Variants in PIP4P2 observed in about 807,000 individuals in gnomAD.
PIP4P2 encodes phosphatidylinositol-4,5-bisphosphate 4-phosphatase 2.
Under a neutral mutation model 33.3 loss-of-function variants are expected in PIP4P2, and 19 were observed. That is an observed-to-expected ratio of 0.57 (90% CI 0.40 to 0.84). PIP4P2 has a LOEUF of 0.84. Among genes scored for constraint, PIP4P2 ranks in the 40% least tolerant of loss-of-function variants. The pLI is 0.00. For missense variants in PIP4P2, 270 were observed against 324.7 expected (o/e 0.83, Z 1.29); for synonymous variants, 110 against 111.9 (o/e 0.98, Z 0.11).
In PIP4P2 at chr8:91,040,711, C is replaced by A. The variant is rs760034010; in HGVS notation, c.39G>T (p.Leu13=). Residue 13 remains leucine (L), a synonymous_variant, in exon 1 of 7, where the codon CTG becomes CTT. Coordinates refer to ENST00000285419, the MANE Select transcript of PIP4P2 (RefSeq NM_018710.3). Reference sequence around the variant, plus strand: ...TGACATTTCCGGAGTGGGATGCTGACAGCAGAGGCGAGCGTTCGTCCACCC... The same window carrying A: ...TGACATTTCCGGAGTGGGATGCTGAAAGCAGAGGCGAGCGTTCGTCCACCC... The part of the protein sequence containing the change: ...ADGVDERSPL[L]SASHSGNVTP... The A allele has an allele frequency of 1.9e-6, 3 of 1,612,894 alleles. No homozygotes were observed. Among genetic ancestry groups the A allele is most frequent in the African/African-American group, 2.7e-5 (2 of 74,896 alleles).
At chr8:91,005,529 T>G (rs1811752645) in intron 5 of PIP4P2, among the ~76,000 whole-genome samples, 1 of 152,196 alleles carries the variant, frequency 6.6e-6, no homozygotes, top group Non-Finnish European at 1.5e-5. Context: ...TTTATAGTAA[T>G]TAACTATTCT....
At chr8:91,010,839 CCAATCATTT>C (rs1811826288) in intron 4 of PIP4P2, among the ~76,000 whole-genome samples, 2 of 151,216 alleles carry the variant, frequency 1.3e-5, no homozygotes, top group Admixed American at 1.3e-4. Flanking sequence ...TCTCTAAAAC[CCAATCATTT>C]TTAGTAGAGA....
intron 1 of PIP4P2, among the ~76,000 whole-genome samples, chr8:91,037,163 G>A (rs1355471762): frequency 6.6e-6 from 1 of 152,182 alleles, no homozygotes; most frequent in Non-Finnish European, 1.5e-5. Context: ...TTCAAGGGGA[G>A]GAAACTGAAT....
chr8:91,019,682 T>C (rs1257380587), intron 3 of PIP4P2, among the ~76,000 whole-genome samples: 2 of 151,658 alleles, frequency 1.3e-5, no homozygotes, highest in Non-Finnish European at 2.9e-5. Context: ...CAAATGATAC[T>C]CCTGCCTCAG....
At chr8:90,997,462 C>G (rs1182555588) in intron 5 of PIP4P2, among the ~76,000 whole-genome samples, 5 of 151,988 alleles carry the variant, frequency 3.3e-5, no homozygotes, top group Admixed American at 6.6e-5. Flanking sequence ...ATTAGGATTA[C>G]AAATTAAAGG....
chr8:91,035,333 A>G (rs1812219852), intron 1 of PIP4P2, among the ~76,000 whole-genome samples: 1 of 152,240 alleles, frequency 6.6e-6, no homozygotes, highest in Non-Finnish European at 1.5e-5. Context: ...ATGGAAATAG[A>G]TAATTCTTCA....
rs545505513 is a variant in PIP4P2, at chr8:90,993,921, G to C, written c.*1756C>G. 6.6e-5 allele frequency: 10 copies of C among 152,134 alleles called. No homozygotes were observed. Among genetic ancestry groups the C allele is most frequent in the Admixed American group, 6.5e-5 (1 of 15,282 alleles). The allele number at this position is 152,134 out of a possible 1,614,324, so 9.4% of individuals were successfully genotyped here. On this transcript the variant is annotated 3_prime_UTR_variant, in exon 7 of 7. Coordinates refer to ENST00000285419, the MANE Select transcript of PIP4P2 (RefSeq NM_018710.3). ...ATAAAGCTGTGAACAAGACTACCAG[G>C]GTTCTTGCTCTCATAAAGTTATTAT...
intron 5 of PIP4P2, among the ~76,000 whole-genome samples, chr8:91,005,028 G>C (rs1270387412): frequency 6.6e-6 from 1 of 152,190 alleles, no homozygotes; most frequent in African/African-American, 2.4e-5. Flanking sequence ...CTTGGTGAAG[G>C]AAGGGAGAAG....
chr8:91,034,355 C>A (rs906305882), intron 1 of PIP4P2, among the ~76,000 whole-genome samples: 12 of 152,078 alleles, frequency 7.9e-5, no homozygotes, highest in Non-Finnish European at 1.8e-4. Flanking sequence ...GAGCCTGATG[C>A]CTACAGAATA....
At chr8:91,034,510 GA>G (rs1317704287) in intron 1 of PIP4P2, among the ~76,000 whole-genome samples, 1 of 152,072 alleles carries the variant, frequency 6.6e-6, no homozygotes, top group African/African-American at 2.4e-5. Flanking sequence ...GAACCATTTT[GA>G]AAAAAATTCC....
At chr8:91,004,860 G>A (rs1811746644) in intron 5 of PIP4P2, among the ~76,000 whole-genome samples, 1 of 152,152 alleles carries the variant, frequency 6.6e-6, no homozygotes, top group Non-Finnish European at 1.5e-5. Context: ...GGGGTACTGA[G>A]GTGGGGGTTT....
chr8:91,037,339 C>T (rs998165787), intron 1 of PIP4P2, among the ~76,000 whole-genome samples: 1 of 152,200 alleles, frequency 6.6e-6, no homozygotes, highest in African/African-American at 2.4e-5. Flanking sequence ...CCCTGCTGAT[C>T]ACTTTGCCAA....
At chr8:91,028,277 G>C (rs2130376776) in intron 1 of PIP4P2, among the ~76,000 whole-genome samples, 1 of 152,308 alleles carries the variant, frequency 6.6e-6, no homozygotes, top group East Asian at 1.9e-4. Flanking sequence ...AAGAAAGAGA[G>C]AGTCACAATC....
intron 4 of PIP4P2, among the ~76,000 whole-genome samples, chr8:91,017,225 C>T (rs941215954): frequency 1.3e-5 from 2 of 151,858 alleles, no homozygotes; most frequent in African/African-American, 4.8e-5. Context: ...ATTATGTAAC[C>T]CCATCTGTAC....
At chr8:91,013,805 A>C (rs958226721) in intron 4 of PIP4P2, among the ~76,000 whole-genome samples, 1 of 152,284 alleles carries the variant, frequency 6.6e-6, no homozygotes, top group East Asian at 1.9e-4. Flanking sequence ...AAGCACTGGA[A>C]TATCAGGGCA....
At chr8:91,018,350 C>A (rs773949418) in intron 4 of PIP4P2, 40 bp downstream of exon 4, 5 of 1,613,172 alleles carry the variant, frequency 3.1e-6, no homozygotes, top group Non-Finnish European at 4.2e-6. Context: ...AAGATCATGA[C>A]CTATATTTAC....
chr8:91,016,283 T>C (rs1811913332), intron 4 of PIP4P2, among the ~76,000 whole-genome samples: 1 of 151,076 alleles, frequency 6.6e-6, no homozygotes, highest in Non-Finnish European at 1.5e-5. Context: ...TCCCACTAAA[T>C]AATATGAAAA....
At chr8:90,998,193 T>C (rs1327872136) in intron 5 of PIP4P2, among the ~76,000 whole-genome samples, 1 of 152,064 alleles carries the variant, frequency 6.6e-6, no homozygotes, top group East Asian at 1.9e-4. Context: ...CAGTTTGTAA[T>C]ATACCATTTA....
intron 1 of PIP4P2, among the ~76,000 whole-genome samples, chr8:91,037,024 C>T (rs1812240252): frequency 6.6e-5 from 10 of 152,152 alleles, no homozygotes; most frequent in Admixed American, 6.5e-4. Context: ...AGTTACTTTC[C>T]CCAGAGTGTA....
Sources: gnomAD v4.1 joint callset for allele counts (sites outside exome capture counted in the v4.1 genomes callset) on GRCh38, gnomAD v4.1.1 for gene constraint, MANE v1.5 for transcripts, NCBI Gene and HGNC (gene_info 2026-07-23, HGNC 2026-07-21) for gene names.